The following MRTFB variants were observed in gnomAD, a reference collection of about 807,000 sequenced individuals.
The protein encoded by MRTFB is myocardin-related transcription factor B.
A neutral mutation model predicts 104.2 loss-of-function variants in MRTFB; 29 were observed. That is an observed-to-expected ratio of 0.28 (90% CI 0.21 to 0.38). MRTFB has a LOEUF of 0.38. Among genes scored for constraint, MRTFB ranks in the 10% least tolerant of loss-of-function variants. The pLI is 1.00. For missense variants in MRTFB, 1,270 were observed against 1,341.6 expected (o/e 0.95, Z 0.83); for synonymous variants, 535 against 519.5 (o/e 1.03, Z -0.41).
the MRTFB span, among the ~76,000 whole-genome samples, chr16:14,063,545 C>T: frequency 1.3e-5 from 2 of 152,148 alleles, no homozygotes; most frequent in Admixed American, 1.3e-4. Flanking sequence ...CTATTGTTCC[C>T]TTCTTTGTGT....
At chr16:14,252,088 A>G (rs920557469) in intron 14 of MRTFB, 65 bp downstream of exon 14, 29 of 1,542,966 alleles carry the variant, frequency 1.9e-5, no homozygotes, top group Non-Finnish European at 2.0e-5. Context: ...TCCAAAGCCT[A>G]GTGCTTTGGG....
the MRTFB span, among the ~76,000 whole-genome samples, chr16:14,059,997 ATTTTTTTTTT>A: frequency 1.0e-5 from 1 of 99,718 alleles, no homozygotes; most frequent in African/African-American, 5.2e-5. Context: ...GAGACATGTA[ATTTTTTTTTT>A]TTTTTTTTTT....
chr16:14,191,628 TTTAAAGAGTA>T (rs2151059911), intron 3 of MRTFB, among the ~76,000 whole-genome samples: 1 of 152,316 alleles, frequency 6.6e-6, no homozygotes, highest in African/African-American at 2.4e-5. Flanking sequence ...TGCATAAGTA[TTTAAAGAGTA>T]TTATACCCTT....
At chr16:14,042,326 C>T in the MRTFB span, among the ~76,000 whole-genome samples, 10 of 152,244 alleles carry the variant, frequency 6.6e-5, no homozygotes, top group South Asian at 6.2e-4. Flanking sequence ...ATTTTCACCA[C>T]GTTGGCCAGA....
chr16:14,070,111 T>C (rs2141739152), upstream of MRTFB, among the ~76,000 whole-genome samples: 1 of 152,284 alleles, frequency 6.6e-6, no homozygotes, highest in South Asian at 2.1e-4. Context: ...GCAGACGCTG[T>C]TGCAGGTGGA....
At chr16:14,185,410 G>C (rs1174705668) in intron 3 of MRTFB, among the ~76,000 whole-genome samples, 2 of 152,188 alleles carry the variant, frequency 1.3e-5, no homozygotes, top group Non-Finnish European at 2.9e-5. Flanking sequence ...TTATCCCAGA[G>C]GAGGGTCTCA....
At chr16:14,181,026 AT>A (rs2039752661) in intron 3 of MRTFB, among the ~76,000 whole-genome samples, 1 of 152,160 alleles carries the variant, frequency 6.6e-6, no homozygotes, top group African/African-American at 2.4e-5. Flanking sequence ...ATAGGGGCTA[AT>A]TTGTTAATCT....
intron 10 of MRTFB, among the ~76,000 whole-genome samples, chr16:14,244,687 T>TG (rs2042938287): frequency 6.6e-6 from 1 of 152,214 alleles, no homozygotes; most frequent in South Asian, 2.1e-4. Flanking sequence ...TATTGACCAT[T>TG]GGGATATACA....
intron 11 of MRTFB, among the ~76,000 whole-genome samples, chr16:14,245,969 A>G (rs1457475564): frequency 2.6e-5 from 4 of 152,194 alleles, no homozygotes; most frequent in Non-Finnish European, 5.9e-5. Flanking sequence ...TGTAACAGTT[A>G]AGAATATGAG....
At chr16:14,066,929 C>T (rs1299761130), upstream of MRTFB, among the ~76,000 whole-genome samples, 1 of 151,952 alleles carries the variant, frequency 6.6e-6, no homozygotes, top group African/African-American at 2.4e-5. Flanking sequence ...CCTTAGTCTC[C>T]CAAAGTGCTG....
the MRTFB span, among the ~76,000 whole-genome samples, chr16:14,038,318 C>T: frequency 6.6e-5 from 10 of 152,128 alleles, no homozygotes; most frequent in Non-Finnish European, 1.5e-4. Flanking sequence ...AATACCCTGT[C>T]ACCAAATATA....
intron 15 of MRTFB, among the ~76,000 whole-genome samples, chr16:14,256,003 C>G (rs1487568112): frequency 6.6e-6 from 1 of 151,024 alleles, no homozygotes; most frequent in East Asian, 1.9e-4. Flanking sequence ...GTCCCAGCTA[C>G]TTGGGAAGCT....
chr16:14,002,716 G>T, the MRTFB span, among the ~76,000 whole-genome samples: 1 of 152,162 alleles, frequency 6.6e-6, no homozygotes, highest in Non-Finnish European at 1.5e-5. Context: ...AAAGAAGCGG[G>T]TAAGAGAACA....
At chr16:14,018,019 G>A in the MRTFB span, among the ~76,000 whole-genome samples, 1 of 151,774 alleles carries the variant, frequency 6.6e-6, no homozygotes, top group African/African-American at 2.4e-5. Flanking sequence ...ACTGTACTTG[G>A]CCTCCCTTTG....
intron 2 of MRTFB, among the ~76,000 whole-genome samples, chr16:14,133,535 A>G (rs954234026): frequency 8.5e-5 from 13 of 152,178 alleles, no homozygotes; most frequent in Non-Finnish European, 1.6e-4. Flanking sequence ...AAAGTTAAAC[A>G]CTGGAAAACA....
At chr16:14,240,115 A>G in intron 9 of MRTFB, 122 bp from the exon 10 acceptor site, 1 of 1,202,122 alleles carries the variant, frequency 8.3e-7, no homozygotes, top group Non-Finnish European at 1.1e-6. Context: ...TTGCTTTCCA[A>G]AGTGGCTGTA....
At chr16:14,222,401 ACATTAT>A (rs1353432377) in intron 8 of MRTFB, among the ~76,000 whole-genome samples, 1 of 152,128 alleles carries the variant, frequency 6.6e-6, no homozygotes, top group Non-Finnish European at 1.5e-5. Context: ...CTTTCTTAAA[ACATTAT>A]GAGTTTTTTT....
chr16:14,251,830 C>G (rs1238453811), intron 13 of MRTFB, 32 bp from the exon 14 acceptor site: 2 of 1,604,920 alleles, frequency 1.2e-6, no homozygotes, highest in Non-Finnish European at 1.7e-6. Context: ...AGCCAAAGAA[C>G]AAATTAATGG....
At chr16:14,159,123 C>T (rs1039123826) in intron 3 of MRTFB, among the ~76,000 whole-genome samples, 1 of 152,096 alleles carries the variant, frequency 6.6e-6, no homozygotes, top group Non-Finnish European at 1.5e-5. Flanking sequence ...CAGTGTGAGA[C>T]CTCACTAGGT....
Sources: allele counts gnomAD v4.1 joint callset (sites outside exome capture counted in the v4.1 genomes callset), GRCh38; gene constraint gnomAD v4.1.1; transcripts MANE v1.5; gene names NCBI Gene and HGNC (gene_info 2026-07-23, HGNC 2026-07-21).